KANK1: variants seen among roughly 807,000 people sequenced by gnomAD.
The protein encoded by KANK1 is KN motif and ankyrin repeat domains 1.
In KANK1, 109 loss-of-function variants were observed where a neutral mutation model predicts 106.2. The ratio of observed to expected loss-of-function variants is 1.03; its 90% CI spans 0.88 to 1.20. The LOEUF is 1.20. Ranked by LOEUF, KANK1 falls within the 50% of genes most tolerant of loss-of-function variation. The pLI is 0.00. For missense variants in KANK1, 2,399 were observed against 1,710.7 expected, an observed-to-expected ratio of 1.40 and a Z score of -7.10; for synonymous variants, 873 against 652.2, an observed-to-expected ratio of 1.34 and a Z score of -5.16.
chr9:556,131 C>A (rs1248055332), intron 1 of KANK1, among the ~76,000 whole-genome samples: 2 of 152,082 alleles, frequency 1.3e-5, no homozygotes, highest in African/African-American at 4.8e-5. Flanking sequence ...AGAATTGTAA[C>A]TGAATACAGA....
intron 1 of KANK1, among the ~76,000 whole-genome samples, chr9:543,223 A>G (rs2060714767): frequency 6.6e-6 from 1 of 152,160 alleles, no homozygotes; most frequent in Non-Finnish European, 1.5e-5. Flanking sequence ...CTTGTCACCC[A>G]ACGTATTTAT....
chr9:731,270 A>G lies in KANK1; in HGVS notation c.3005+4A>G. The stretch of plus-strand genomic sequence containing the variant: ...AGTTTGTTGGCATTAATGGAGGGTA[A>G]GGAAAGATGGTGGTTCTAGAGGCTA... On this transcript the variant is annotated splice_donor_region_variant and intron_variant, in intron 5 of 11. Transcript: ENST00000382297. 6.4e-7 allele frequency: 1 copy of G among 1,551,208 alleles called. No individual in the cohort carries two copies. Among genetic ancestry groups the G allele is most frequent in the Admixed American group, 1.7e-5 (1 of 59,718 alleles).
chr9:704,074 C>T (rs957024909), intron 2 of KANK1, among the ~76,000 whole-genome samples: 2 of 152,160 alleles, frequency 1.3e-5, no homozygotes, highest in African/African-American at 4.8e-5. Context: ...TTTATTGTAA[C>T]ACTTTTCCAG....
intron 1 of KANK1, among the ~76,000 whole-genome samples, chr9:600,424 T>C (rs1386267830): frequency 1.3e-5 from 2 of 151,914 alleles, no homozygotes; most frequent in Non-Finnish European, 2.9e-5. Flanking sequence ...AGTAATTAAA[T>C]GCTTGGAAAG....
At chr9:743,762 T>C (rs1348164994) in intron 10 of KANK1, among the ~76,000 whole-genome samples, 1 of 152,180 alleles carries the variant, frequency 6.6e-6, no homozygotes, top group Non-Finnish European at 1.5e-5. Context: ...CCGTGGTGGT[T>C]GAGGCAGGAG....
intron 1 of KANK1, among the ~76,000 whole-genome samples, chr9:572,813 C>T (rs974866406): frequency 1.1e-4 from 16 of 152,138 alleles, no homozygotes; most frequent in Admixed American, 9.2e-4. Flanking sequence ...TCTGGCATAA[C>T]GGTCTTCCCA....
At position 703,944 on chromosome 9, in the gene KANK1, C is replaced by G. The variant is rs770340549; in HGVS notation, c.38-6860C>G. Among the ~76,000 whole-genome samples the G allele has an allele frequency of 8.0e-4, 120 of 150,718 alleles. 1 individual carries two copies. The highest frequency in any genetic ancestry group is 1.4e-3 in the Non-Finnish European group (96 of 66,948). On this transcript the variant is annotated intron_variant, in intron 2 of 11. Coordinates refer to ENST00000382297, the MANE Select transcript of KANK1 (RefSeq NM_015158.5). ...GGACAGACTGGTCTTGAACTCCTGACCTCAGGCAATCTGCCCACCTCGGCC... is the reference window on the plus strand; with the variant it reads ...GGACAGACTGGTCTTGAACTCCTGAGCTCAGGCAATCTGCCCACCTCGGCC...
chr9:533,549 C>T (rs1348523180), intron 1 of KANK1, among the ~76,000 whole-genome samples: 3 of 152,192 alleles, frequency 2.0e-5, no homozygotes, highest in African/African-American at 7.2e-5. Flanking sequence ...CACTCTTAGA[C>T]CATCTGATTT....
chr9:741,325 C>CTT (rs71314736), intron 9 of KANK1, among the ~76,000 whole-genome samples: 30 of 146,392 alleles, frequency 2.0e-4, no homozygotes, highest in Non-Finnish European at 2.7e-4. Context: ...CACAGCTTGA[C>CTT]TTTTTTTTTT....
chr9:657,501 C>A lies in KANK1; in HGVS notation c.-83-19389C>A, dbSNP rs776268486. ...TTTACAGTTTCACCAACAACTCTCA[C>A]CAATGTAGGGTTCCAGTTTCTCTAC... On this transcript the variant is annotated intron_variant, in intron 1 of 11. Transcript: ENST00000382297. Among the ~76,000 whole-genome samples, 3 of 152,074 alleles carry A rather than the reference C, an allele frequency of 2.0e-5. No individual in the cohort carries two copies. The South Asian group carries it at 6.2e-4, about 32-fold the overall frequency.
chr9:514,665 C>T (rs2059202092), intron 1 of KANK1, among the ~76,000 whole-genome samples: 1 of 151,682 alleles, frequency 6.6e-6, no homozygotes, highest in East Asian at 1.9e-4. Context: ...AGTGTTCCAT[C>T]ATGTGAATAT....
chr9:622,055 T>A (rs1833267402), intron 1 of KANK1, among the ~76,000 whole-genome samples: 1 of 152,196 alleles, frequency 6.6e-6, no homozygotes, highest in Admixed American at 6.5e-5. Flanking sequence ...GTCTTTTTCA[T>A]ACAACAGTCT....
intron 2 of KANK1, among the ~76,000 whole-genome samples, chr9:705,363 G>A (rs1165554643): frequency 6.6e-6 from 1 of 152,122 alleles, no homozygotes; most frequent in Non-Finnish European, 1.5e-5. Context: ...GCACACGCCT[G>A]TAATCCCAGC....
At chr9:500,003 TTGA>T (rs2058523165), upstream of KANK1, among the ~76,000 whole-genome samples, 2 of 152,354 alleles carry the variant, frequency 1.3e-5, no homozygotes, top group East Asian at 1.9e-4. Context: ...CTTCCCCTCC[TTGA>T]TGATGATAAT....
At chr9:700,872 G>C (rs1589023950) in intron 2 of KANK1, among the ~76,000 whole-genome samples, 1 of 152,144 alleles carries the variant, frequency 6.6e-6, no homozygotes, top group South Asian at 2.1e-4. Context: ...AGTGAAATCA[G>C]AACAAAGAAG....
At chr9:702,940 A>G (rs191738510) in intron 2 of KANK1, among the ~76,000 whole-genome samples, 26 of 152,244 alleles carry the variant, frequency 1.7e-4, no homozygotes, top group African/African-American at 5.8e-4. Flanking sequence ...ACTAGTTTAC[A>G]TACTTTCATA....
chr9:613,847 T>A (rs1008782505), intron 1 of KANK1, among the ~76,000 whole-genome samples: 20 of 152,152 alleles, frequency 1.3e-4, no homozygotes, highest in Non-Finnish European at 2.6e-4. Flanking sequence ...TTTTGGGAAG[T>A]TAAATATGAG....
intron 2 of KANK1, among the ~76,000 whole-genome samples, chr9:698,282 CAG>C (rs1030047560): frequency 7.2e-5 from 11 of 152,108 alleles, no homozygotes; most frequent in African/African-American, 2.7e-4. Context: ...GTTTCAAACA[CAG>C]AGCGAGTCTG....
At chr9:616,346 T>C (rs773496855) in intron 1 of KANK1, among the ~76,000 whole-genome samples, 5 of 152,190 alleles carry the variant, frequency 3.3e-5, no homozygotes, top group Non-Finnish European at 5.9e-5. Context: ...TTTAAGATAG[T>C]AGATCTTGTG....
Sources: gnomAD v4.1 joint callset for allele counts (sites outside exome capture counted in the v4.1 genomes callset) on GRCh38, gnomAD v4.1.1 for gene constraint, MANE v1.5 for transcripts, NCBI Gene and HGNC (gene_info 2026-07-23, HGNC 2026-07-21) for gene names.